The following MAML2 variants were observed in gnomAD, a reference collection of about 807,000 sequenced individuals.
MAML2 encodes mastermind-like protein 2.
Under a neutral mutation model 96.1 loss-of-function variants are expected in MAML2, and 22 were observed. The observed-to-expected ratio is 0.23, with a 90% CI of 0.16 to 0.33. The LOEUF (loss-of-function observed/expected upper bound fraction) is 0.33, where lower values mean the gene tolerates loss of function less well. Ranked by LOEUF, MAML2 falls within the 10% of genes least tolerant of loss-of-function variation. The probability of loss-of-function intolerance (pLI) is 1.00; values close to 1 mark genes in which losing one functional copy is unlikely to be tolerated. For synonymous variants in MAML2, 561 were observed against 521.3 expected (o/e 1.08, Z -1.04); for missense variants, 1,367 against 1,392.4 (o/e 0.98, Z 0.29).
At chr11:96,116,024 T>C (rs1282940229) in intron 1 of MAML2, among the ~76,000 whole-genome samples, 2 of 152,166 alleles carry the variant, frequency 1.3e-5, no homozygotes, top group African/African-American at 2.4e-5. Context: ...GTAAACTTTT[T>C]TTTCCCCACC....
chr11:96,225,825 A>T (rs974879043), intron 1 of MAML2, among the ~76,000 whole-genome samples: 10 of 146,682 alleles, frequency 6.8e-5, no homozygotes, highest in African/African-American at 2.3e-4. Flanking sequence ...AGAGCGAGAC[A>T]CTATCTCAAA....
intron 1 of MAML2, among the ~76,000 whole-genome samples, chr11:96,207,897 A>T (rs1591072974): frequency 6.6e-6 from 1 of 152,162 alleles, no homozygotes; most frequent in East Asian, 1.9e-4. Flanking sequence ...GAGCCAACAA[A>T]GAACTTTTTT....
chr11:96,199,945 C>T (rs1386890036), intron 1 of MAML2, among the ~76,000 whole-genome samples: 1 of 152,188 alleles, frequency 6.6e-6, no homozygotes, highest in Non-Finnish European at 1.5e-5. Flanking sequence ...TCATTAAGTA[C>T]ATTCACCTTC....
At chr11:96,323,989 A>G (rs1054896949) in intron 1 of MAML2, among the ~76,000 whole-genome samples, 1 of 152,374 alleles carries the variant, frequency 6.6e-6, no homozygotes, top group South Asian at 2.1e-4. Context: ...TGTGGCCCCT[A>G]GACATTCATT....
rs551898998 is a variant in MAML2, at chr11:96,027,258, G to C, written c.2140-35535C>G. 2.0e-5 allele frequency among the ~76,000 whole-genome samples: 3 copies of C among 152,226 alleles called. 1 individual carries two copies. The South Asian group carries it at 6.2e-4, about 32-fold the overall frequency. Reference sequence around the variant, plus strand: ...TTCACCCATTCAGCAAATTTTTATAGAGTGCTATTAAAGCTAGGCACTATG... The same window carrying C: ...TTCACCCATTCAGCAAATTTTTATACAGTGCTATTAAAGCTAGGCACTATG... On this transcript the variant is annotated intron_variant, in intron 2 of 4. Transcript: ENST00000524717.
chr11:96,209,347 A>G lies in MAML2; in HGVS notation c.514-115830T>C, dbSNP rs115017335. 5.5e-3 allele frequency among the ~76,000 whole-genome samples: 830 copies of G among 152,166 alleles called. 9 individuals are homozygous for G. The highest frequency in any genetic ancestry group is 0.019 in the African/African-American group (789 of 41,516). On this transcript the variant is annotated intron_variant, in intron 1 of 4. Coordinates refer to ENST00000524717, the MANE Select transcript of MAML2 (RefSeq NM_032427.4). ...ATGCATTGGACTCTAGGGATCAAAT[A>G]TCAAGAAAGGCTGGGTGCAGTGGCT...
chr11:96,164,290 A>G lies in MAML2; in HGVS notation c.514-70773T>C, dbSNP rs542593838. Reference sequence around the variant, plus strand: ...ATCTAGTCATAAAAGCATAGAAATCAGAGCTGAAAGGGACTTCAGAGATCA... The same window carrying G: ...ATCTAGTCATAAAAGCATAGAAATCGGAGCTGAAAGGGACTTCAGAGATCA... On this transcript the variant is annotated intron_variant, in intron 1 of 4. Transcript: ENST00000524717. 3.6e-4 allele frequency among the ~76,000 whole-genome samples: 55 copies of G among 152,336 alleles called. 1 individual carries two copies. The highest frequency in any genetic ancestry group is 3.4e-3 in the Middle Eastern group (1 of 294).
intron 1 of MAML2, among the ~76,000 whole-genome samples, chr11:96,218,708 C>T (rs919527229): frequency 6.6e-6 from 1 of 152,068 alleles, no homozygotes; most frequent in African/African-American, 2.4e-5. Flanking sequence ...ATTCAAATCT[C>T]AAAATTTTCC....
intron 1 of MAML2, among the ~76,000 whole-genome samples, chr11:96,309,030 G>C (rs1863502836): frequency 6.6e-6 from 1 of 152,194 alleles, no homozygotes; most frequent in Non-Finnish European, 1.5e-5. Flanking sequence ...TAACTCATTA[G>C]TTAAGTTCAG....
chr11:96,044,116 C>A (rs190385282), intron 2 of MAML2, among the ~76,000 whole-genome samples: 526 of 152,270 alleles, frequency 3.5e-3, no homozygotes, highest in Non-Finnish European at 5.8e-3. Flanking sequence ...TGTTGCTAAC[C>A]AAGGGACTGG....
At chr11:96,187,923 G>T (rs1231360322) in intron 1 of MAML2, among the ~76,000 whole-genome samples, 2 of 152,132 alleles carry the variant, frequency 1.3e-5, no homozygotes, top group African/African-American at 4.8e-5. Flanking sequence ...GTCTGCTTCT[G>T]ACTCCAGCAC....
At chr11:96,046,291 G>A (rs1001053636) in intron 2 of MAML2, among the ~76,000 whole-genome samples, 1 of 152,048 alleles carries the variant, frequency 6.6e-6, no homozygotes, top group African/African-American at 2.4e-5. Context: ...GTTCATAGCC[G>A]GGGAGCTGGC....
chr11:96,288,354 C>T (rs1378338571), intron 1 of MAML2, among the ~76,000 whole-genome samples: 1 of 152,056 alleles, frequency 6.6e-6, no homozygotes, highest in East Asian at 1.9e-4. Context: ...CCAGCCTGGC[C>T]AACATGGTGA....
chr11:96,068,915 CTTTTTT>C (rs71040128), intron 2 of MAML2, among the ~76,000 whole-genome samples: 3 of 106,492 alleles, frequency 2.8e-5, no homozygotes, highest in African/African-American at 7.5e-5. Context: ...TTCTTCCCTC[CTTTTTT>C]TTTTTTTTTT....
rs776548037 is a variant in MAML2 at position 95,979,593 on chromosome 11, A to G, written c.2826T>C (p.His942=). The part of the protein sequence containing the change: ...NSQQLRPNLT[H]SMASMPPQRT... ...TCTGTGGTGGCATGCTTGCCATACTATGGGTTAAATTTGGTCTCAATTGTT... is the reference window on the plus strand; with the variant it reads ...TCTGTGGTGGCATGCTTGCCATACTGTGGGTTAAATTTGGTCTCAATTGTT... The change falls in exon 5 of 5, where the codon CAT becomes CAC. Residue 942 remains histidine, a synonymous_variant. Coordinates refer to ENST00000524717, the MANE Select transcript of MAML2 (RefSeq NM_032427.4). 1.3e-5 allele frequency: 21 copies of G among 1,613,702 alleles called. No individual in the cohort carries two copies. The highest frequency in any genetic ancestry group is 3.3e-5 in the Admixed American group (2 of 59,976).
chr11:96,209,875 C>G (rs1005700573), intron 1 of MAML2, among the ~76,000 whole-genome samples: 2 of 152,126 alleles, frequency 1.3e-5, no homozygotes, highest in Non-Finnish European at 2.9e-5. Context: ...TCCCACTATG[C>G]ATGGAATAGT....
chr11:96,070,544 G>A (rs980138187), intron 2 of MAML2, among the ~76,000 whole-genome samples: 6 of 152,220 alleles, frequency 3.9e-5, no homozygotes, highest in African/African-American at 1.2e-4. Flanking sequence ...AGTGCCTCTG[G>A]TCCAGCTGCA....
intron 1 of MAML2, among the ~76,000 whole-genome samples, chr11:96,197,919 G>A (rs1418491026): frequency 1.3e-5 from 2 of 152,118 alleles, no homozygotes; most frequent in Admixed American, 6.5e-5. Context: ...TCTAAAAGAG[G>A]GAACAACATA....
At chr11:96,241,880 T>C (rs1862442792) in intron 1 of MAML2, among the ~76,000 whole-genome samples, 1 of 152,236 alleles carries the variant, frequency 6.6e-6, no homozygotes, top group Non-Finnish European at 1.5e-5. Flanking sequence ...ATTAGTTTGT[T>C]TGGTCTATTT....
Sources: allele counts gnomAD v4.1 joint callset (sites outside exome capture counted in the v4.1 genomes callset), GRCh38; gene constraint gnomAD v4.1.1; transcripts MANE v1.5; gene names NCBI Gene and HGNC (gene_info 2026-07-23, HGNC 2026-07-21).